MDN1: variants seen among roughly 807,000 people sequenced by gnomAD.
The protein encoded by MDN1 is midasin AAA ATPase 1.
MDN1 carries 266 observed loss-of-function variants against 669.2 expected under a neutral mutation model. The ratio of observed to expected loss-of-function variants is 0.40; its 90% CI spans 0.36 to 0.44. The LOEUF (loss-of-function observed/expected upper bound fraction) is 0.44. Ranked by LOEUF, MDN1 falls within the 20% of genes least tolerant of loss-of-function variation. The pLI is 1.00. For synonymous variants in MDN1, 2,385 were observed against 2,457.1 expected (o/e 0.97, Z 0.87); for missense variants, 5,940 against 6,754.0 (o/e 0.88, Z 4.22).
intron 2 of MDN1, among the ~76,000 whole-genome samples, chr6:89,803,105 G>A (rs754704104): frequency 2.0e-5 from 3 of 152,160 alleles, no homozygotes; most frequent in South Asian, 2.1e-4. Context: ...CATCTTTCCA[G>A]GTCTGTTCTG....
rs752754874 is a variant in MDN1, at chr6:89,723,611, A to C, written c.5679T>G (p.Val1893=). The C allele has an allele frequency of 1.9e-6, 3 of 1,554,036 alleles. No homozygotes were observed. In the South Asian group the frequency reaches 3.7e-5, roughly 19 times the overall value. The change falls in exon 39 of 102, where the codon GTT becomes GTG. Residue 1893 remains valine (V), a synonymous_variant. Transcript: ENST00000369393. ...SFLNRFTQVF[V]DPLTVIDMEF... Reference sequence around the variant, plus strand: ...CCATGTCAATTACTGTAAGGGGATCAACGAAGACCTAGAAATCCAAAAATA... The same window carrying C: ...CCATGTCAATTACTGTAAGGGGATCCACGAAGACCTAGAAATCCAAAAATA...
In MDN1 at chr6:89,744,950, A is replaced by G. The variant is rs372772322; in HGVS notation, c.4178+323T>C. Among the ~76,000 whole-genome samples, 5 of 151,834 alleles carry G rather than the reference A, an allele frequency of 3.3e-5. No individual in the cohort carries two copies. In the East Asian group the frequency reaches 9.7e-4, roughly 29 times the overall value. On this transcript the variant is annotated intron_variant, in intron 29 of 101. Transcript: ENST00000369393. ...ACCTAGTCTGAAGGTAGAGGAAACT[A>G]AACAGTAACAGATCTTAGTTTCTTT... is the stretch of plus-strand genomic sequence containing the variant.
intron 53 of MDN1, among the ~76,000 whole-genome samples, chr6:89,705,240 TG>T (rs1813435976): frequency 6.6e-6 from 1 of 152,234 alleles, no homozygotes. Flanking sequence ...TCTTTGCTAC[TG>T]TATTTTTAAG....
chr6:89,690,876 T>G (rs1487464942), intron 63 of MDN1, 42 bp from the exon 64 acceptor site: 1 of 1,597,934 alleles, frequency 6.3e-7, no homozygotes, highest in South Asian at 1.1e-5. Context: ...CTTTCTTTGC[T>G]GAGGCATTCA....
chr6:89,731,058 T>C, intron 34 of MDN1, 135 bp from the exon 35 acceptor site: 1 of 665,448 alleles, frequency 1.5e-6, no homozygotes. Flanking sequence ...ATTTCTAGTG[T>C]AAGCAGTCCT....
intron 20 of MDN1, among the ~76,000 whole-genome samples, chr6:89,754,795 G>A (rs1354171030): frequency 6.6e-6 from 1 of 152,128 alleles, no homozygotes; most frequent in Admixed American, 6.5e-5. Context: ...TGATCAATTA[G>A]CACCACAAGA....
intron 11 of MDN1, among the ~76,000 whole-genome samples, chr6:89,778,995 TAC>T (rs1818506856): frequency 6.6e-6 from 1 of 151,556 alleles, no homozygotes; most frequent in Non-Finnish European, 1.5e-5. Context: ...AAAAAAATTT[TAC>T]AGGTGTAGAA....
chr6:89,749,881 G>A (rs1454395622), intron 24 of MDN1, 130 bp from the exon 25 acceptor site: 3 of 730,322 alleles, frequency 4.1e-6, no homozygotes, highest in South Asian at 3.8e-5. Flanking sequence ...AGCTAGTCTT[G>A]CCTCAAAACA....
chr6:89,811,088 T>C lies in MDN1; in HGVS notation c.103-7534A>G, dbSNP rs139350473. Among the ~76,000 whole-genome samples, 82 of 152,358 alleles carry C rather than the reference T, an allele frequency of 5.4e-4. No homozygotes were observed. In the East Asian group the frequency reaches 0.014, roughly 27 times the overall value. On this transcript the variant is annotated intron_variant, in intron 1 of 101. Coordinates refer to ENST00000369393, the MANE Select transcript of MDN1 (RefSeq NM_014611.3). ...TTCAGGTATTATAGACTAGGACTTC[T>C]AAGTATATTTTTGACAGACACAATT...
chr6:89,725,785 C>T (rs1815184011), intron 37 of MDN1, among the ~76,000 whole-genome samples: 1 of 148,864 alleles, frequency 6.7e-6, no homozygotes, highest in African/African-American at 2.5e-5. Flanking sequence ...TTATGTTGTC[C>T]AGGATGGTCT....
intron 2 of MDN1, among the ~76,000 whole-genome samples, chr6:89,802,195 T>C (rs1767711592): frequency 6.6e-6 from 1 of 152,180 alleles, no homozygotes; most frequent in Non-Finnish European, 1.5e-5. Context: ...CTTGGCTGTA[T>C]ATTTTCTAGT....
At chr6:89,720,874 T>C (rs72915915) in intron 40 of MDN1, among the ~76,000 whole-genome samples, 16,756 of 152,178 alleles carry the variant, frequency 0.11, 1,035 homozygotes, top group South Asian at 0.16. Context: ...GCTCACTCCA[T>C]TTGTAATCAC....
intron 53 of MDN1, among the ~76,000 whole-genome samples, chr6:89,702,746 T>A (rs546305008): frequency 6.6e-6 from 1 of 152,360 alleles, no homozygotes; most frequent in Non-Finnish European, 1.5e-5. Context: ...AATAGAAGTT[T>A]TAAATTTTGA....
chr6:89,713,454 GCA>G (rs1814099689), intron 46 of MDN1, among the ~76,000 whole-genome samples, 158 bp from the exon 47 acceptor site: 1 of 152,066 alleles, frequency 6.6e-6, no homozygotes, highest in Non-Finnish European at 1.5e-5. Flanking sequence ...TCCTCCGAGG[GCA>G]CAAAGGACCT....
In MDN1 at chr6:89,696,456, A is replaced by T; in HGVS notation, c.9287T>A (p.Val3096Glu). The change falls in exon 60 of 102, where the codon GTG becomes GAG. Residue 3096 changes from valine (V) to glutamate (E), a missense_variant. Val to Glu is a moderately radical substitution (Grantham distance 121). Around this residue, in one of 5 missense-constraint regions of MDN1, gnomAD observed 2,292 missense variants for 2,638.3 expected, o/e 0.87. Coordinates refer to ENST00000369393, the MANE Select transcript of MDN1 (RefSeq NM_014611.3). The stretch of plus-strand genomic sequence containing the variant: ...TCTCTCAACCCACTCTCCTAGGGTC[A>T]CGTGAGAGGAGGAAAGAATGGGGAG... The part of the protein sequence containing the change: ...SGLPILSSSH[V>E]TLGEWVERTQ... 1.9e-6 allele frequency: 3 copies of T among 1,614,210 alleles called. No individual in the cohort carries two copies. Among genetic ancestry groups the T allele is most frequent in the Non-Finnish European group, 2.5e-6 (3 of 1,180,022 alleles).
At chr6:89,787,785 T>A in intron 8 of MDN1, 69 bp downstream of exon 8, 1 of 1,239,976 alleles carries the variant, frequency 8.1e-7, no homozygotes, top group Non-Finnish European at 1.2e-6. Flanking sequence ...TTACAGGACC[T>A]CTGGCTCAGC....
At chr6:89,651,890 A>C (rs1461316268) in intron 95 of MDN1, among the ~76,000 whole-genome samples, 1 of 151,468 alleles carries the variant, frequency 6.6e-6, no homozygotes, top group Admixed American at 6.6e-5. Context: ...ATGGCACAGC[A>C]TAGACTCTTG....
intron 14 of MDN1, among the ~76,000 whole-genome samples, chr6:89,772,265 C>T (rs1041796564): frequency 6.6e-6 from 1 of 151,898 alleles, no homozygotes; most frequent in Non-Finnish European, 1.5e-5. Context: ...AGCAACAGTG[C>T]GACCCTGTCT....
At position 89,722,963 on chromosome 6, in the gene MDN1, T is replaced by C; in HGVS notation, c.5959A>G (p.Lys1987Glu). Reference protein sequence around the residue: ...YGERMRTEEDKKKVIAVFKDV... With the variant: ...YGERMRTEEDEKKVIAVFKDV... ...CCAAGCGTGAAACTCACCTTTTTTT[T>C]GTCCTCTTCGGTTCTCATTCTTTCA... Residue 1987 changes from lysine (K) to glutamate (E), a missense_variant, in exon 40 of 102, where the codon AAA (lysine) becomes GAA (glutamate). This residue lies in a region of MDN1 where 2,292 missense variants were observed against 2,638.3 expected (regional missense o/e 0.87). Coordinates refer to ENST00000369393, the MANE Select transcript of MDN1 (RefSeq NM_014611.3). 1 of 1,606,886 alleles carries C rather than the reference T, an allele frequency of 6.2e-7. No individual in the cohort carries two copies. Among genetic ancestry groups the C allele is most frequent in the South Asian group, 1.1e-5 (1 of 89,446 alleles).
Sources: gnomAD v4.1 joint callset for allele counts (sites outside exome capture counted in the v4.1 genomes callset) on GRCh38, gnomAD v4.1.1 for gene constraint, gnomAD v4.1.1 regional missense constraint, MANE v1.5 for transcripts, NCBI Gene and HGNC (gene_info 2026-07-23, HGNC 2026-07-21) for gene names.